The following CELF2 variants were observed in gnomAD, a reference collection of about 807,000 sequenced individuals.
CELF2 encodes the protein CUG triplet repeat RNA-binding protein 2.
CELF2 carries 8 observed loss-of-function variants against 62.6 expected under a neutral mutation model. That is an observed-to-expected ratio of 0.13 (90% CI 0.07 to 0.23). CELF2 has a LOEUF of 0.23. Among genes scored for constraint, CELF2 ranks in the 10% least tolerant of loss-of-function variants. The probability of loss-of-function intolerance (pLI) is 1.00; values close to 1 mark genes in which losing one functional copy is unlikely to be tolerated. For synonymous variants in CELF2, 258 were observed against 250.0 expected (o/e 1.03, Z -0.30); for missense variants, 333 against 671.0 (o/e 0.50, Z 5.56).
intron 1 of CELF2, chr10:11,018,844 T>G (rs1381181161): frequency 6.6e-6 from 1 of 152,248 alleles, no homozygotes; most frequent in Non-Finnish European, 1.5e-5. Flanking sequence ...GATTTAATAT[T>G]TGCAAAGATC....
At chr10:10,509,900 T>C in the CELF2 span, among the ~76,000 whole-genome samples, 1 of 152,184 alleles carries the variant, frequency 6.6e-6, no homozygotes, top group Non-Finnish European at 1.5e-5. Context: ...AGCACAACCA[T>C]GAGTCAGAGA....
the CELF2 span, among the ~76,000 whole-genome samples, chr10:10,688,626 C>T: frequency 6.6e-6 from 1 of 152,154 alleles, no homozygotes; most frequent in Non-Finnish European, 1.5e-5. Flanking sequence ...ATAATATTTA[C>T]AGTATTTAGC....
At chr10:10,722,672 C>T in the CELF2 span, among the ~76,000 whole-genome samples, 1 of 152,176 alleles carries the variant, frequency 6.6e-6, no homozygotes, top group South Asian at 2.1e-4. Context: ...ATGTGACTTT[C>T]CACAGAGAAA....
Position 11,306,557 on chromosome 10 carries a change from T to C in CELF2, c.977-7582T>C, listed in dbSNP as rs2094223471. Reference sequence around the variant, plus strand: ...GAGTTTTTCTTATGCTTTAAATTATTTGTTAACATTCAGAAGGTTCTTAAA... The same window carrying C: ...GAGTTTTTCTTATGCTTTAAATTATCTGTTAACATTCAGAAGGTTCTTAAA... On this transcript the variant is annotated intron_variant, in intron 9 of 12. Coordinates refer to ENST00000633077, the MANE Select transcript of CELF2 (RefSeq NM_001326342.2). The surrounding 1 kb of genome is among the most constrained non-coding windows in gnomAD (Gnocchi z 4.4). 6.6e-6 allele frequency among the ~76,000 whole-genome samples: 1 copy of C among 152,190 alleles called. No homozygotes were observed. The highest frequency in any genetic ancestry group is 1.5e-5 in the Non-Finnish European group (1 of 68,036).
chr10:10,945,539 C>T (rs1268816915), intron 2 of CELF2, among the ~76,000 whole-genome samples: 1 of 152,188 alleles, frequency 6.6e-6, no homozygotes, highest in African/African-American at 2.4e-5. Flanking sequence ...CGAGAACTAC[C>T]TGGGCCTGAC....
rs58340846 is a variant in CELF2, at chr10:10,953,818, T to TAA, written c.89+33831_89+33832dup. On this transcript the variant is annotated intron_variant, in intron 2 of 13. Transcript: ENST00000636488. ...CAGAACAAAAACATCACAAGCAAAGTAAAAAAAAAAAAATGACAAACCAGA... is the reference window on the plus strand; with the variant it reads ...CAGAACAAAAACATCACAAGCAAAGTAAAAAAAAAAAAAAATGACAAACCAGA... Among the ~76,000 whole-genome samples, 121 of 142,988 alleles carry TAA rather than the reference T, an allele frequency of 8.5e-4. 2 individuals carry two copies. The highest frequency in any genetic ancestry group is 8.2e-3 in the South Asian group (38 of 4,630). 93.8% of individuals were successfully genotyped at this position (142,988 alleles called of 152,430 possible).
intron 1 of CELF2, among the ~76,000 whole-genome samples, chr10:11,023,556 C>T (rs1419650852): frequency 6.6e-6 from 1 of 152,122 alleles, no homozygotes; most frequent in African/African-American, 2.4e-5. Flanking sequence ...GGATGGAAAC[C>T]ATCTCCTCCT....
At chr10:11,188,391 C>G (rs1203513906) in intron 2 of CELF2, among the ~76,000 whole-genome samples, 1 of 152,216 alleles carries the variant, frequency 6.6e-6, no homozygotes, top group East Asian at 1.9e-4. Flanking sequence ...AGGCGTGAGT[C>G]ACCACGCCCA....
intron 3 of CELF2, among the ~76,000 whole-genome samples, chr10:11,221,747 ATCT>A (rs1183469675): frequency 6.6e-6 from 1 of 152,248 alleles, no homozygotes; most frequent in Non-Finnish European, 1.5e-5. Context: ...TCTTCCAGAC[ATCT>A]TCTCTGAATA....
intron 2 of CELF2, among the ~76,000 whole-genome samples, chr10:10,925,370 G>A (rs931093009): frequency 3.3e-5 from 5 of 151,842 alleles, no homozygotes; most frequent in African/African-American, 4.8e-5. Flanking sequence ...ATCCTCTATC[G>A]TTAATTCAAC....
At chr10:11,051,164 C>G (rs1049163535) in intron 1 of CELF2, among the ~76,000 whole-genome samples, 11 of 152,114 alleles carry the variant, frequency 7.2e-5, no homozygotes, top group Non-Finnish European at 1.3e-4. Context: ...TCTCTATAGT[C>G]TTTGGTTTCT....
At chr10:10,764,578 G>A in the CELF2 span, among the ~76,000 whole-genome samples, 1 of 152,228 alleles carries the variant, frequency 6.6e-6, no homozygotes, top group Non-Finnish European at 1.5e-5. Flanking sequence ...GTCTGGAAGA[G>A]TAAGCTCCAA....
At chr10:11,147,467 C>CT (rs2062487492) in intron 1 of CELF2, among the ~76,000 whole-genome samples, 1 of 152,102 alleles carries the variant, frequency 6.6e-6, no homozygotes, top group African/African-American at 2.4e-5. Context: ...TACTTCCCTC[C>CT]TTTTTTGTTT....
intron 1 of CELF2, among the ~76,000 whole-genome samples, chr10:10,802,807 C>G (rs2054807356): frequency 6.6e-6 from 1 of 152,176 alleles, no homozygotes; most frequent in Admixed American, 6.5e-5. Flanking sequence ...CCTTCCCCAC[C>G]TCCACTTCTG....
At chr10:10,560,939 T>C in the CELF2 span, among the ~76,000 whole-genome samples, 1 of 151,646 alleles carries the variant, frequency 6.6e-6, no homozygotes, top group Non-Finnish European at 1.5e-5. Flanking sequence ...CATCGTATGT[T>C]CTCACTGATA....
rs528158649 is a variant in CELF2, at chr10:10,872,108, C to G, written c.54-47856C>G. 8.5e-5 allele frequency among the ~76,000 whole-genome samples: 13 copies of G among 152,270 alleles called. No individual in the cohort carries two copies. The South Asian group carries it at 2.7e-3, about 32-fold the overall frequency. On this transcript the variant is annotated intron_variant, in intron 1 of 13. Transcript: ENST00000636488. ...TTGGAAAGCTCCTGTCCTTCCCTTC[C>G]TCTCTCCCTCAACCTTCCCCATGTG...
At chr10:11,181,187 C>A (rs868859480) in intron 2 of CELF2, among the ~76,000 whole-genome samples, 103 of 152,236 alleles carry the variant, frequency 6.8e-4, no homozygotes, top group African/African-American at 1.8e-3. Flanking sequence ...GGAATTTAAA[C>A]CTAAATATTT....
chr10:10,752,802 TA>T, the CELF2 span, among the ~76,000 whole-genome samples: 142 of 116,526 alleles, frequency 1.2e-3, no homozygotes, highest in African/African-American at 2.9e-3. Context: ...ATACCGGTAG[TA>T]AAAAAAAAAA....
In CELF2 at chr10:11,084,027, C is replaced by T. The variant is rs370831184; in HGVS notation, c.74+65864C>T. On this transcript the variant is annotated intron_variant, in intron 1 of 12. Transcript: ENST00000633077. ...TTGAAGGGTCACAGCCATTACCAGC[C>T]CACTGTGAAGATCCGGTCCCTGCTG... Among the ~76,000 whole-genome samples, 287 of 152,324 alleles carry T rather than the reference C, an allele frequency of 1.9e-3. 1 individual carries two copies. The highest frequency in any genetic ancestry group is 6.4e-3 in the African/African-American group (265 of 41,556).
Sources: allele counts gnomAD v4.1 joint callset (sites outside exome capture counted in the v4.1 genomes callset), GRCh38; gene constraint gnomAD v4.1.1; non-coding constraint Gnocchi (gnomAD v3.1); transcripts MANE v1.5; gene names NCBI Gene and HGNC (gene_info 2026-07-23, HGNC 2026-07-21).